COMT: variants seen among roughly 807,000 people sequenced by gnomAD.
COMT encodes catechol-O-methyltransferase.
Under a neutral mutation model 18.9 loss-of-function variants are expected in COMT, and 13 were observed. The observed-to-expected ratio is 0.69, with a 90% CI of 0.45 to 1.09. The LOEUF is 1.09. Ranked by LOEUF, COMT falls within the 50% of genes least tolerant of loss-of-function variation. The pLI is 0.00. For missense variants in COMT, 329 were observed against 361.8 expected, an observed-to-expected ratio of 0.91 and a Z score of 0.73; for synonymous variants, 150 against 160.9, an observed-to-expected ratio of 0.93 and a Z score of 0.51.
intron 1 of COMT, among the ~76,000 whole-genome samples, chr22:19,952,625 C>G (rs1941967685): frequency 7.1e-6 from 1 of 140,674 alleles, no homozygotes; most frequent in Admixed American, 7.2e-5. Flanking sequence ...GGAGACAGAG[C>G]AAGACTCCGT....
intron 1 of COMT, among the ~76,000 whole-genome samples, chr22:19,958,451 C>T (rs1037037224): frequency 6.6e-6 from 1 of 151,916 alleles, no homozygotes; most frequent in African/African-American, 2.4e-5. Context: ...AGTCATGAGC[C>T]ACCAGGTCTG....
chr22:19,966,126 T>C (rs1942375729), intron 5 of COMT, among the ~76,000 whole-genome samples: 1 of 152,188 alleles, frequency 6.6e-6, no homozygotes, highest in Non-Finnish European at 1.5e-5. Flanking sequence ...CTGGTAATTA[T>C]CTCAAAAGAA....
chr22:19,962,504 G>GCGCCA, intron 2 of COMT, 23 bp from the exon 3 acceptor site: 1 of 1,542,730 alleles, frequency 6.5e-7, no homozygotes, highest in Non-Finnish European at 8.7e-7. Context: ...GAGCACTGGC[G>GCGCCA]CCCCTCCCCT....
chr22:19,966,490 G>A (rs1479333783), intron 5 of COMT, among the ~76,000 whole-genome samples: 1 of 151,628 alleles, frequency 6.6e-6, no homozygotes, highest in East Asian at 1.9e-4. Flanking sequence ...GCCCAGGCTG[G>A]AGTGCAGTGA....
At chr22:19,950,741 G>GGA (rs1169690538) in intron 1 of COMT, among the ~76,000 whole-genome samples, 1 of 152,106 alleles carries the variant, frequency 6.6e-6, no homozygotes, top group African/African-American at 2.4e-5. Flanking sequence ...TGATAGGAAG[G>GGA]GAGAGGCCTG....
chr22:19,941,851 C>T lies in COMT; in HGVS notation c.-138C>T, dbSNP rs1439963401. Reference sequence around the variant, plus strand: ...CTAGGGCTGCCCGCCGCGCTGCCTGCGCCGGACCGGGGCGGGTCCAGTCCC... The same window carrying T: ...CTAGGGCTGCCCGCCGCGCTGCCTGTGCCGGACCGGGGCGGGTCCAGTCCC... On this transcript the variant is annotated 5_prime_UTR_variant, in exon 1 of 6. Transcript: ENST00000361682. 2 of 1,470,988 alleles carry T rather than the reference C, an allele frequency of 1.4e-6. No homozygotes were observed. Among genetic ancestry groups the T allele is most frequent in the Non-Finnish European group, 8.9e-7 (1 of 1,120,180 alleles). The allele number at this position is 1,470,988 out of a possible 1,614,324, so 91.1% of individuals were successfully genotyped here. A position where few individuals can be genotyped will look rare whatever the true frequency, so the allele number is the denominator to read the frequency against.
chr22:19,957,711 G>C (rs1942094876), intron 1 of COMT, among the ~76,000 whole-genome samples: 1 of 152,226 alleles, frequency 6.6e-6, no homozygotes, highest in Admixed American at 6.5e-5. Context: ...GTGTGGGCAC[G>C]ATCATGCCTG....
chr22:19,961,280 T>A lies in COMT; in HGVS notation c.-10T>A, dbSNP rs1311364853. 6.6e-6 allele frequency: 1 copy of A among 152,380 alleles called. No homozygotes were observed. Among genetic ancestry groups the A allele is most frequent in the East Asian group, 1.9e-4 (1 of 5,186 alleles). The allele number at this position is 152,380 out of a possible 1,614,324, so 9.4% of individuals were successfully genotyped here. A position where few individuals can be genotyped will look rare whatever the true frequency, so the allele number is the denominator to read the frequency against. On this transcript the variant is annotated 5_prime_UTR_variant, in exon 2 of 6. Coordinates refer to ENST00000361682, the MANE Select transcript of COMT (RefSeq NM_000754.4). Reference sequence around the variant, plus strand: ...CAGAGGGCTGGAGCCTGCTCAGAGGTGCTTTGAAGGTGAGTTGGCCAACGG... The same window carrying A: ...CAGAGGGCTGGAGCCTGCTCAGAGGAGCTTTGAAGGTGAGTTGGCCAACGG...
chr22:19,959,551 G>GGCGGA (rs1357121324), intron 1 of COMT, among the ~76,000 whole-genome samples: 1 of 152,258 alleles, frequency 6.6e-6, no homozygotes, highest in Admixed American at 6.5e-5. Context: ...GCTGGGGCGG[G>GGCGGA]GCGGAGCGGA....
At chr22:19,963,511 A>G in intron 3 of COMT, 55 bp from the exon 4 acceptor site, 1 of 1,587,468 alleles carries the variant, frequency 6.3e-7, no homozygotes, top group East Asian at 2.2e-5. Context: ...CTGGGGATCC[A>G]AGTTCCCCTC....
chr22:19,956,865 G>A (rs1373767981), intron 1 of COMT, among the ~76,000 whole-genome samples: 2 of 151,834 alleles, frequency 1.3e-5, no homozygotes, highest in Non-Finnish European at 2.9e-5. Context: ...TGTGGCCACT[G>A]TTCCAGCCAT....
At position 19,962,826 on chromosome 22, in the gene COMT, G is replaced by A. The variant is rs773569271; in HGVS notation, c.289+11G>A. The A allele has an allele frequency of 5.6e-6, 9 of 1,598,574 alleles. No individual in the cohort carries two copies. The highest frequency in any genetic ancestry group is 3.3e-4 in the Middle Eastern group (2 of 6,024). On this transcript the variant is annotated intron_variant, in intron 3 of 5. Coordinates refer to ENST00000361682, the MANE Select transcript of COMT (RefSeq NM_000754.4). The stretch of plus-strand genomic sequence containing the variant: ...TGGGCGACAAGAAAGGTGGGGTCCG[G>A]GCCAGCAGGTGCTCAGCTCTGGGAC...
chr22:19,954,154 A>G lies in COMT; in HGVS notation c.-91-7045A>G, dbSNP rs1942009101. Among the ~76,000 whole-genome samples the G allele has an allele frequency of 2.0e-5, 3 of 147,138 alleles. No homozygotes were observed. The Admixed American group carries it at 2.1e-4, about 10-fold the overall frequency. On this transcript the variant is annotated intron_variant, in intron 1 of 5. Coordinates refer to ENST00000361682, the MANE Select transcript of COMT (RefSeq NM_000754.4). ...ACAAAGTCACCGTGGTCCCTGCAGC[A>G]CCTGGCTTGAAGCAGGTGTGCAGTC...
chr22:19,964,139 G>A (rs760319342), intron 4 of COMT, 29 bp from the exon 5 acceptor site: 3 of 1,613,802 alleles, frequency 1.9e-6, no homozygotes, highest in Non-Finnish European at 2.5e-6. Flanking sequence ...TGTCTGTGAG[G>A]ACGTGGGCAC....
Position 19,944,484 on chromosome 22 carries a change from C to T in COMT, c.-92+2587C>T, listed in dbSNP as rs552299736. Reference sequence around the variant, plus strand: ...GTGGGGGGCTGCAGTAAGCCGAGATCGCACCACTGCACTCCAGCCTGGGCA... The same window carrying T: ...GTGGGGGGCTGCAGTAAGCCGAGATTGCACCACTGCACTCCAGCCTGGGCA... On this transcript the variant is annotated intron_variant, in intron 1 of 5. Transcript: ENST00000361682. 2.9e-4 allele frequency among the ~76,000 whole-genome samples: 44 copies of T among 151,862 alleles called. 2 individuals carry two copies. The South Asian group carries it at 8.5e-3, about 29-fold the overall frequency.
intron 5 of COMT, 34 bp from the exon 6 acceptor site, chr22:19,968,502 C>T (rs1942550644): frequency 1.9e-6 from 3 of 1,602,768 alleles, no homozygotes; most frequent in Admixed American, 1.7e-5. Context: ...GCACCTCTGA[C>T]CCTCACCTCC....
At chr22:19,964,067 C>A in intron 4 of COMT, 101 bp from the exon 5 acceptor site, 1 of 1,608,176 alleles carries the variant, frequency 6.2e-7, no homozygotes, top group African/African-American at 1.3e-5. Context: ...AAGATGGCCT[C>A]CTGTCTGTGT....
intron 1 of COMT, among the ~76,000 whole-genome samples, chr22:19,947,693 T>C (rs540137352): frequency 7.3e-4 from 111 of 152,336 alleles, no homozygotes; most frequent in African/African-American, 2.5e-3. Flanking sequence ...GCGTGACTGC[T>C]TAAGCACAGC....
At chr22:19,962,930 G>A (rs1205137489) in intron 3 of COMT, 115 bp downstream of exon 3, 3 of 1,316,036 alleles carry the variant, frequency 2.3e-6, no homozygotes, top group African/African-American at 1.5e-5. Context: ...GGAACCCTGG[G>A]ATATGCCCAG....
Sources: allele counts gnomAD v4.1 joint callset (sites outside exome capture counted in the v4.1 genomes callset), GRCh38; gene constraint gnomAD v4.1.1; transcripts MANE v1.5; gene names NCBI Gene and HGNC (gene_info 2026-07-23, HGNC 2026-07-21).